Variants in PISD observed in about 807,000 individuals in gnomAD.
PISD encodes the protein phosphatidylserine decarboxylase, also known as phosphatidylserine decarboxylase proenzyme, mitochondrial.
Under a neutral mutation model 43.5 loss-of-function variants are expected in PISD, and 31 were observed. The observed-to-expected ratio is 0.71, with a 90% CI of 0.54 to 0.96. The LOEUF (loss-of-function observed/expected upper bound fraction) is 0.96, where lower values mean the gene tolerates loss of function less well. PISD is among the 40% of genes least tolerant of loss of function. PISD has a pLI of 0.00. For synonymous variants in PISD, 259 were observed against 228.7 expected (o/e 1.13, Z -1.20); for missense variants, 523 against 548.4 (o/e 0.95, Z 0.46).
At chr22:31,662,244 C>T (rs768188873), upstream of PISD, 5 of 1,591,396 alleles carry the variant, frequency 3.1e-6, no homozygotes, top group East Asian at 1.1e-4. Flanking sequence ...ACGCCCCCTT[C>T]ACACGCTGGG....
rs192197179 is a variant in PISD at position 31,642,658 on chromosome 22, T to G, written c.321+5443A>C. ...AAATACAAAAATTAGCTGGGCGTGG[T>G]GGTGCGCGCACCTGTAGTCCCGGCT... On this transcript the variant is annotated intron_variant, in intron 3 of 7. Coordinates refer to ENST00000439502, the MANE Select transcript of PISD (RefSeq NM_001326411.2). Among the ~76,000 whole-genome samples the G allele has an allele frequency of 2.5e-3, 380 of 150,128 alleles. 22 individuals carry two copies. Among genetic ancestry groups the G allele is most frequent in the African/African-American group, 8.1e-3 (321 of 39,828 alleles).
chr22:31,629,506 TA>T (rs2073091044), intron 3 of PISD, among the ~76,000 whole-genome samples: 1 of 139,138 alleles, frequency 7.2e-6, no homozygotes, highest in Middle Eastern at 3.9e-3. Context: ...TGGGCGCATA[TA>T]GGGGTGTGTA....
intron 4 of PISD, 62 bp downstream of exon 4, chr22:31,621,587 G>C (rs976685056): frequency 6.3e-7 from 1 of 1,594,604 alleles, no homozygotes; most frequent in African/African-American, 1.3e-5. Flanking sequence ...AGACCAGGGG[G>C]GCTGTGCTGG....
intron 3 of PISD, among the ~76,000 whole-genome samples, chr22:31,632,517 C>T (rs1296584688): frequency 3.3e-5 from 5 of 152,116 alleles, no homozygotes; most frequent in African/African-American, 4.8e-5. Context: ...GGAGTGTGCA[C>T]GTTCTCCCCA....
chr22:31,652,445 T>A (rs2074053939), intron 1 of PISD, among the ~76,000 whole-genome samples: 1 of 152,058 alleles, frequency 6.6e-6, no homozygotes, highest in African/African-American at 2.4e-5. Context: ...TTATGTCTTG[T>A]ATAGATATCC....
intron 3 of PISD, among the ~76,000 whole-genome samples, chr22:31,644,023 G>A (rs73402163): frequency 0.027 from 4,060 of 151,610 alleles, 199 homozygotes; most frequent in African/African-American, 0.094. Context: ...ACTCCAGCCT[G>A]GGTGACAGGG....
At chr22:31,631,685 A>G (rs2073211689) in intron 3 of PISD, among the ~76,000 whole-genome samples, 2 of 152,186 alleles carry the variant, frequency 1.3e-5, no homozygotes, top group Non-Finnish European at 2.9e-5. Context: ...CCCACATGGG[A>G]TCAGACCAAT....
rs970428524 is a variant in PISD, at chr22:31,618,550, A to T, written c.*1062T>A. On this transcript the variant is annotated 3_prime_UTR_variant, in exon 8 of 8. Coordinates refer to ENST00000439502, the MANE Select transcript of PISD (RefSeq NM_001326411.2). Reference sequence around the variant, plus strand: ...TGCAATTAAATGAATTACTGTTCAGAAGTCTCCCACTTTTCATACAAAAAT... The same window carrying T: ...TGCAATTAAATGAATTACTGTTCAGTAGTCTCCCACTTTTCATACAAAAAT... 7 of 929,970 alleles carry T rather than the reference A, an allele frequency of 7.5e-6. No individual in the cohort carries two copies. Among genetic ancestry groups the T allele is most frequent in the Non-Finnish European group, 1.1e-5 (7 of 665,856 alleles). The allele number at this position is 929,970 out of a possible 1,614,324, so 57.6% of individuals were successfully genotyped here. A position where few individuals can be genotyped will look rare whatever the true frequency, so the allele number is the denominator to read the frequency against.
chr22:31,658,158 C>T (rs1372513585), intron 1 of PISD, among the ~76,000 whole-genome samples: 1 of 152,134 alleles, frequency 6.6e-6, no homozygotes, highest in Non-Finnish European at 1.5e-5. Context: ...CAGTATGCCC[C>T]AGAAAGATGA....
intron 1 of PISD, among the ~76,000 whole-genome samples, chr22:31,651,146 T>G (rs1436111884): frequency 6.6e-6 from 1 of 152,060 alleles, no homozygotes; most frequent in Non-Finnish European, 1.5e-5. Context: ...GTATTTTTAG[T>G]AGAGATGAGT....
intron 2 of PISD, among the ~76,000 whole-genome samples, chr22:31,648,554 C>T (rs2073945470): frequency 6.6e-6 from 1 of 151,900 alleles, no homozygotes; most frequent in Non-Finnish European, 1.5e-5. Flanking sequence ...CCTGTAGTCC[C>T]AGCTACTCGG....
At chr22:31,650,327 A>G (rs1018177952) in intron 2 of PISD, among the ~76,000 whole-genome samples, 1 of 152,068 alleles carries the variant, frequency 6.6e-6, no homozygotes, top group African/African-American at 2.4e-5. Context: ...AAAATACACA[A>G]ATTAGCCAGT....
intron 3 of PISD, among the ~76,000 whole-genome samples, chr22:31,640,575 GTTTTTTTTT>G (rs759964791): frequency 3.3e-5 from 3 of 91,254 alleles, no homozygotes; most frequent in East Asian, 3.6e-4. Context: ...CGGTTTGGTT[GTTTTTTTTT>G]TTTTTTTTTT....
At chr22:31,620,922 C>A in intron 6 of PISD, 74 bp downstream of exon 6, 2 of 1,503,908 alleles carry the variant, frequency 1.3e-6, no homozygotes, top group East Asian at 2.4e-5. Flanking sequence ...GCCTGGTCCC[C>A]CAACACCAAG....
At chr22:31,661,328 A>T (rs1035770674) in intron 1 of PISD, among the ~76,000 whole-genome samples, 3 of 152,316 alleles carry the variant, frequency 2.0e-5, no homozygotes, top group Middle Eastern at 3.4e-3. Flanking sequence ...ACACACAAGT[A>T]TGGCGCATCT....
At chr22:31,625,820 C>T (rs369412112) in intron 3 of PISD, 69 of 1,598,992 alleles carry the variant, frequency 4.3e-5, no homozygotes, top group African/African-American at 3.6e-4. Flanking sequence ...CATCATGGGC[C>T]GGCGCAGGGA....
chr22:31,641,652 C>A (rs1569489212), intron 3 of PISD, among the ~76,000 whole-genome samples: 4 of 150,626 alleles, frequency 2.7e-5, no homozygotes, highest in Non-Finnish European at 5.9e-5. Context: ...CCGATCTCTA[C>A]TAAAAACACA....
chr22:31,641,369 C>T (rs1037023149), intron 3 of PISD, among the ~76,000 whole-genome samples: 3 of 152,100 alleles, frequency 2.0e-5, no homozygotes, highest in Non-Finnish European at 4.4e-5. Flanking sequence ...CACCAGAATA[C>T]CACGACAGCT....
intron 5 of PISD, 55 bp downstream of exon 5, chr22:31,621,279 C>T: frequency 1.2e-6 from 2 of 1,611,830 alleles, no homozygotes; most frequent in South Asian, 2.2e-5. Context: ...CCCCTCCCTC[C>T]CGGTCCAGCC....
Sources: gnomAD v4.1 joint callset for allele counts (sites outside exome capture counted in the v4.1 genomes callset) on GRCh38, gnomAD v4.1.1 for gene constraint, MANE v1.5 for transcripts, NCBI Gene and HGNC (gene_info 2026-07-23, HGNC 2026-07-21) for gene names.